The following PALM2AKAP2 variants were observed in gnomAD, a reference collection of about 807,000 sequenced individuals.
The protein encoded by PALM2AKAP2 is PALM2-AKAP2 fusion protein.
In PALM2AKAP2, 37 loss-of-function variants were observed where a neutral mutation model predicts 71.5. The ratio of observed to expected loss-of-function variants is 0.52; its 90% CI spans 0.40 to 0.68. The LOEUF is 0.68. PALM2AKAP2 is among the 30% of genes least tolerant of loss of function. PALM2AKAP2 has a pLI of 0.00. For synonymous variants in PALM2AKAP2, 468 were observed against 478.8 expected, an observed-to-expected ratio of 0.98 and a Z score of 0.29; for missense variants, 1,224 against 1,191.8, an observed-to-expected ratio of 1.03 and a Z score of -0.40.
intron 1 of PALM2AKAP2, among the ~76,000 whole-genome samples, chr9:109,787,671 G>T (rs1373948884): frequency 6.6e-6 from 1 of 152,020 alleles, no homozygotes. Context: ...TGAGAACGTG[G>T]GTCTTATGTT....
At chr9:109,687,641 T>G (rs1827823813) in intron 1 of PALM2AKAP2, among the ~76,000 whole-genome samples, 1 of 152,232 alleles carries the variant, frequency 6.6e-6, no homozygotes, top group Non-Finnish European at 1.5e-5. Flanking sequence ...CCACTAAATC[T>G]TTCTTGATAT....
At chr9:109,757,198 T>C (rs1828977236) in intron 1 of PALM2AKAP2, among the ~76,000 whole-genome samples, 1 of 152,084 alleles carries the variant, frequency 6.6e-6, no homozygotes, top group African/African-American at 2.4e-5. Context: ...AGCTCCCACG[T>C]ATGAGTGAGA....
chr9:110,013,970 G>C (rs917351193), intron 6 of PALM2AKAP2, among the ~76,000 whole-genome samples: 6 of 152,158 alleles, frequency 3.9e-5, no homozygotes, highest in African/African-American at 1.4e-4. Context: ...TGTAAATAAA[G>C]TTTTATTGGA....
chr9:110,085,725 G>C (rs565977760), intron 1 of PALM2AKAP2, among the ~76,000 whole-genome samples: 9 of 152,288 alleles, frequency 5.9e-5, no homozygotes, highest in African/African-American at 2.2e-4. Flanking sequence ...AGTTGAGGGG[G>C]ATGCCAATGG....
At chr9:110,057,400 T>G (rs1588082786) in intron 1 of PALM2AKAP2, among the ~76,000 whole-genome samples, 1 of 120,074 alleles carries the variant, frequency 8.3e-6, no homozygotes. Flanking sequence ...TTTTTTTTTT[T>G]GCAACAGAGA....
intron 6 of PALM2AKAP2, among the ~76,000 whole-genome samples, chr9:109,942,073 TTC>T (rs1351922921): frequency 6.6e-6 from 1 of 152,230 alleles, no homozygotes; most frequent in East Asian, 1.9e-4. Flanking sequence ...TTCTGTCTTG[TTC>T]TTTTCTTAGT....
intron 1 of PALM2AKAP2, among the ~76,000 whole-genome samples, chr9:109,668,276 C>A (rs1227178800): frequency 2.0e-5 from 3 of 152,192 alleles, no homozygotes; most frequent in Admixed American, 6.5e-5. Context: ...ATCCCTCTGC[C>A]AACAACTAGA....
intron 1 of PALM2AKAP2, among the ~76,000 whole-genome samples, chr9:109,802,838 A>G (rs1827470578): frequency 6.6e-6 from 1 of 151,816 alleles, no homozygotes; most frequent in South Asian, 2.1e-4. Flanking sequence ...GTAAATTTAG[A>G]TGGATCATTA....
At chr9:110,156,389 C>T (rs766840587) in exon 3 of PALM2AKAP2, 10 of 1,612,580 alleles carry the variant, frequency 6.2e-6, no homozygotes, top group South Asian at 2.2e-5. Context: ...CTGACTTAGC[C>T]CCTGAAGAGG....
intron 6 of PALM2AKAP2, among the ~76,000 whole-genome samples, chr9:109,992,241 T>C (rs1832498325): frequency 6.6e-6 from 1 of 152,166 alleles, no homozygotes; most frequent in Non-Finnish European, 1.5e-5. Context: ...TCTGTCTTCA[T>C]GTAACCATCT....
chr9:110,114,432 C>T (rs1360565060), intron 1 of PALM2AKAP2, among the ~76,000 whole-genome samples: 3 of 152,306 alleles, frequency 2.0e-5, no homozygotes, highest in Middle Eastern at 3.4e-3. Context: ...GTGTTACATT[C>T]TGAGGTTCCG....
chr9:109,669,050 T>G (rs1348254241), intron 1 of PALM2AKAP2, among the ~76,000 whole-genome samples: 2 of 152,194 alleles, frequency 1.3e-5, no homozygotes, highest in Admixed American at 1.3e-4. Context: ...AGCACTGGAA[T>G]GGAAGATTTG....
At chr9:109,988,209 G>A (rs533771756) in intron 6 of PALM2AKAP2, among the ~76,000 whole-genome samples, 35 of 152,314 alleles carry the variant, frequency 2.3e-4, no homozygotes, top group African/African-American at 8.4e-4. Context: ...TAAATTTGAA[G>A]GGTCCTTGTA....
chr9:110,146,266 A>C (rs1456110787), intron 2 of PALM2AKAP2, among the ~76,000 whole-genome samples: 1 of 152,148 alleles, frequency 6.6e-6, no homozygotes, highest in Non-Finnish European at 1.5e-5. Context: ...GCCTGCAGTT[A>C]CAGCTTCTGG....
intron 7 of PALM2AKAP2, among the ~76,000 whole-genome samples, chr9:110,016,901 A>T (rs1832989283): frequency 6.6e-6 from 1 of 151,932 alleles, no homozygotes; most frequent in South Asian, 2.1e-4. Flanking sequence ...TTTTTTTGAG[A>T]CGGAGTCTCT....
chr9:109,951,370 G>A (rs761281336), intron 6 of PALM2AKAP2, among the ~76,000 whole-genome samples: 5 of 152,144 alleles, frequency 3.3e-5, no homozygotes, highest in African/African-American at 4.8e-5. Flanking sequence ...AATAAAAACC[G>A]ACTTCAGAAA....
In PALM2AKAP2 at chr9:109,858,898, A is replaced by G. The variant is rs7031808; in HGVS notation, c.46-8593A>G. Among the ~76,000 whole-genome samples, 1,221 of 152,324 alleles carry G rather than the reference A, an allele frequency of 8.0e-3. 9 individuals are homozygous for G. Among genetic ancestry groups the G allele is most frequent in the East Asian group, 0.042 (219 of 5,190 alleles). On this transcript the variant is annotated intron_variant, in intron 1 of 9. Transcript: ENST00000302798. The stretch of plus-strand genomic sequence containing the variant: ...ACCATCAAAGCAAAAGTATAGCTCT[A>G]TGGTTAAATAATTACTTAAAGGGTC...
intron 1 of PALM2AKAP2, among the ~76,000 whole-genome samples, chr9:109,760,850 C>A (rs1829040025): frequency 6.6e-6 from 1 of 152,118 alleles, no homozygotes; most frequent in Non-Finnish European, 1.5e-5. Flanking sequence ...TTTTTTTCAA[C>A]TGTTGCATTT....
At chr9:109,737,700 C>A (rs1828658094) in intron 1 of PALM2AKAP2, among the ~76,000 whole-genome samples, 1 of 152,196 alleles carries the variant, frequency 6.6e-6, no homozygotes, top group African/African-American at 2.4e-5. Context: ...AACTAGTTAG[C>A]ACACAGTCAA....
Sources: gnomAD v4.1 joint callset for allele counts (sites outside exome capture counted in the v4.1 genomes callset) on GRCh38, gnomAD v4.1.1 for gene constraint, MANE v1.5 for transcripts, NCBI Gene and HGNC (gene_info 2026-07-23, HGNC 2026-07-21) for gene names.